CFAP61: variants seen among roughly 807,000 people sequenced by gnomAD.
CFAP61 encodes the protein cilia- and flagella-associated protein 61.
CFAP61 carries 107 observed loss-of-function variants against 135.6 expected under a neutral mutation model. The ratio of observed to expected loss-of-function variants is 0.79; its 90% confidence interval spans 0.67 to 0.93. CFAP61 has a LOEUF of 0.93. Ranked by LOEUF, CFAP61 falls within the 40% of genes least tolerant of loss-of-function variation. The pLI is 0.00. For missense variants in CFAP61, 1,507 were observed against 1,556.2 expected (o/e 0.97, Z 0.53); for synonymous variants, 575 against 578.5 (o/e 0.99, Z 0.09).
intron 25 of CFAP61, among the ~76,000 whole-genome samples, chr20:20,331,300 T>C (rs1457854164): frequency 1.3e-5 from 2 of 152,162 alleles, no homozygotes; most frequent in African/African-American, 2.4e-5. Context: ...TGGTGAGATA[T>C]GAACTAGGAA....
At chr20:20,234,161 G>A (rs1417518070) in intron 18 of CFAP61, among the ~76,000 whole-genome samples, 1 of 152,126 alleles carries the variant, frequency 6.6e-6, no homozygotes, top group African/African-American at 2.4e-5. Flanking sequence ...CTGAGAGCAG[G>A]GCCGTGTGAC....
chr20:20,249,208 A>G (rs776326535), intron 19 of CFAP61, among the ~76,000 whole-genome samples: 1 of 152,204 alleles, frequency 6.6e-6, no homozygotes, highest in Non-Finnish European at 1.5e-5. Context: ...GAAGGTCCAG[A>G]ATGGATAGTA....
rs373950683 is a variant in CFAP61 at position 20,263,063 on chromosome 20, T to C, written c.2436T>C (p.Thr812=). 14 of 1,614,082 alleles carry C rather than the reference T, an allele frequency of 8.7e-6. No homozygotes were observed. The highest frequency in any genetic ancestry group is 1.2e-5 in the Non-Finnish European group (14 of 1,179,944). ...YTGKVPCNHF[T]LNEEEDCFKA... is the part of the protein sequence containing the mutation. ...GGAAAGTTCCTTGCAACCATTTCAC[T>C]CTCAACGAGGAAGAGGATTGCTTTA... Residue 812 remains threonine (T), a synonymous_variant, in exon 21 of 27, where the codon ACT becomes ACC. Transcript: ENST00000245957.
chr20:20,188,140 C>T, intron 14 of CFAP61, 84 bp downstream of exon 14: 2 of 1,459,704 alleles, frequency 1.4e-6, no homozygotes, highest in Non-Finnish European at 9.5e-7. Context: ...TTCCTTGGAT[C>T]TGAGTTGGAA....
intron 6 of CFAP61, among the ~76,000 whole-genome samples, chr20:20,090,567 A>G (rs548475093): frequency 4.0e-5 from 6 of 151,730 alleles, no homozygotes; most frequent in South Asian, 2.1e-4. Flanking sequence ...GTGCATGCCT[A>G]TAGTCCCACC....
At chr20:20,089,587 GA>G (rs11468839) in intron 6 of CFAP61, among the ~76,000 whole-genome samples, 59,334 of 136,028 alleles carry the variant, frequency 0.44, 13,292 homozygotes, top group Middle Eastern at 0.65. Context: ...GAGTATCAGA[GA>G]AAAAAAAAAA....
At chr20:20,347,277 A>G (rs950641520) in intron 26 of CFAP61, among the ~76,000 whole-genome samples, 2 of 152,252 alleles carry the variant, frequency 1.3e-5, no homozygotes, top group African/African-American at 4.8e-5. Context: ...AAGTGCCTAC[A>G]TAAAAAGAAC....
intron 17 of CFAP61, among the ~76,000 whole-genome samples, chr20:20,210,530 G>A (rs531599352): frequency 6.6e-5 from 10 of 152,332 alleles, no homozygotes; most frequent in African/African-American, 2.4e-4. Flanking sequence ...TGCAGCATCA[G>A]GAGGGGTCAT....
At chr20:20,346,058 C>T (rs1602121231) in intron 26 of CFAP61, among the ~76,000 whole-genome samples, 2 of 138,106 alleles carry the variant, frequency 1.4e-5, no homozygotes, top group African/African-American at 2.6e-5. Flanking sequence ...CCCGCCACCG[C>T]GCCCGGCTAA....
Position 20,246,408 on chromosome 20 carries a change from G to T in CFAP61, c.2159+193G>T, listed in dbSNP as rs1323716248. On this transcript the variant is annotated intron_variant, in intron 19 of 26. Transcript: ENST00000245957. ...GCCAGTGGCCAAGAGTGGCAGGCCA[G>T]GGCCACCAGTTTCTATCCGTGGGAA... Among the ~76,000 whole-genome samples the T allele has an allele frequency of 3.9e-5, 6 of 152,358 alleles. No individual in the cohort carries two copies. In the East Asian group the frequency reaches 7.7e-4, roughly 20 times the overall value.
intron 13 of CFAP61, among the ~76,000 whole-genome samples, chr20:20,183,252 T>G (rs1049542686): frequency 2.6e-5 from 4 of 152,128 alleles, no homozygotes; most frequent in Non-Finnish European, 4.4e-5. Flanking sequence ...CCTCCTGGGT[T>G]CTGGGTTCAA....
At chr20:20,103,492 T>C (rs2048165028) in intron 8 of CFAP61, among the ~76,000 whole-genome samples, 1 of 152,106 alleles carries the variant, frequency 6.6e-6, no homozygotes, top group African/African-American at 2.4e-5. Context: ...AGTGTGGAAG[T>C]AGCAAGTTCC....
rs200485848 is a variant in CFAP61 at position 20,234,389 on chromosome 20, GTTAATA to G, written c.2060+6016_2060+6021del. Among the ~76,000 whole-genome samples, 594 of 152,236 alleles carry G rather than the reference GTTAATA, an allele frequency of 3.9e-3. 11 individuals are homozygous for G. Among genetic ancestry groups the G allele is most frequent in the Admixed American group, 0.031 (470 of 15,292 alleles). ...TGCTTAGTTTGTTCTGTTCTTCCTT[GTTAATA>G]TTCTTGAAGTTGCCTTTTACTGAAA... is the stretch of plus-strand genomic sequence containing the variant. On this transcript the variant is annotated intron_variant, in intron 18 of 26. Transcript: ENST00000245957.
intron 2 of CFAP61, among the ~76,000 whole-genome samples, chr20:20,060,545 G>C (rs2044717858): frequency 6.6e-6 from 1 of 152,214 alleles, no homozygotes; most frequent in Admixed American, 6.5e-5. Context: ...GGAGGAGCAT[G>C]ATTAGAATGA....
At chr20:20,192,643 T>C (rs927253927) in intron 15 of CFAP61, among the ~76,000 whole-genome samples, 1 of 152,148 alleles carries the variant, frequency 6.6e-6, no homozygotes, top group Non-Finnish European at 1.5e-5. Flanking sequence ...GCCCCATCCT[T>C]GTAAATATTA....
chr20:20,230,388 AT>A lies in CFAP61; in HGVS notation c.2060+2016del, dbSNP rs1286266222. Among the ~76,000 whole-genome samples, 3 of 152,268 alleles carry A rather than the reference AT, an allele frequency of 2.0e-5. No individual in the cohort carries two copies. In the South Asian group the frequency reaches 6.2e-4, roughly 32 times the overall value. On this transcript the variant is annotated intron_variant, in intron 18 of 26. Coordinates refer to ENST00000245957, the MANE Select transcript of CFAP61 (RefSeq NM_015585.4). ...CAATCACCATGGTAACCTACTGCGT[AT>A]TTTACTTTCCCAGTTTAACTGCCAT...
intron 17 of CFAP61, among the ~76,000 whole-genome samples, chr20:20,218,735 A>G (rs1427197328): frequency 6.6e-6 from 1 of 152,208 alleles, no homozygotes; most frequent in Non-Finnish European, 1.5e-5. Flanking sequence ...ACACCTCAGC[A>G]TTTAGACCAA....
At chr20:20,238,289 G>C (rs1161308942) in intron 18 of CFAP61, among the ~76,000 whole-genome samples, 2 of 152,162 alleles carry the variant, frequency 1.3e-5, no homozygotes, top group Non-Finnish European at 1.5e-5. Flanking sequence ...TTGTTGTTAA[G>C]ACTGAATTAA....
chr20:20,067,723 T>C (rs964355973), intron 2 of CFAP61, among the ~76,000 whole-genome samples: 1 of 145,558 alleles, frequency 6.9e-6, no homozygotes, highest in African/African-American at 2.5e-5. Context: ...ATATAATATA[T>C]ATTCATATTA....
Sources: allele counts gnomAD v4.1 joint callset (sites outside exome capture counted in the v4.1 genomes callset), GRCh38; gene constraint gnomAD v4.1.1; transcripts MANE v1.5; gene names NCBI Gene and HGNC (gene_info 2026-07-23, HGNC 2026-07-21).